ATP1A2: variants seen among roughly 807,000 people sequenced by gnomAD.
The protein encoded by ATP1A2 is sodium/potassium-transporting ATPase subunit alpha-2.
A neutral mutation model predicts 113.1 loss-of-function variants in ATP1A2; 56 were observed. The ratio of observed to expected loss-of-function variants is 0.49; its 90% confidence interval spans 0.40 to 0.62. The LOEUF (loss-of-function observed/expected upper bound fraction) is 0.62, where lower values mean the gene tolerates loss of function less well. ATP1A2 is among the 20% of genes least tolerant of loss of function. The pLI is 0.00. For missense variants in ATP1A2, 712 were observed against 1,357.8 expected (o/e 0.52, Z 7.47); for synonymous variants, 490 against 526.8 (o/e 0.93, Z 0.96).
At chr1:160,123,138 G>T (rs887073402) in intron 3 of ATP1A2, 75 bp from the exon 4 acceptor site, 10 of 1,536,400 alleles carry the variant, frequency 6.5e-6, no homozygotes, top group Admixed American at 1.7e-5. Flanking sequence ...ATGCCCGGGA[G>T]CTGAAGGGAT....
chr1:160,142,951 T>C lies in ATP1A2; in HGVS notation c.*1629T>C, dbSNP rs1046995. 0.22 allele frequency: 33,047 copies of C among 152,198 alleles called. 3,673 individuals are homozygous for C. The highest frequency in any genetic ancestry group is 0.28 in the South Asian group (1,359 of 4,824). The allele number at this position is 152,198 out of a possible 1,614,324, so 9.4% of individuals were successfully genotyped here. A position where few individuals can be genotyped will look rare whatever the true frequency, so the allele number is the denominator to read the frequency against. On this transcript the variant is annotated 3_prime_UTR_variant, in exon 23 of 23. Transcript: ENST00000361216. ...GGTTCCTACAGGAGATAGCTTTCTT[T>C]CCCTTACTCCCTATCTAACACTTTT...
chr1:160,136,551 T>C lies in ATP1A2; in HGVS notation c.2564-19T>C. 1.9e-6 allele frequency: 3 copies of C among 1,614,216 alleles called. No homozygotes were observed. The highest frequency in any genetic ancestry group is 1.6e-4 in the Middle Eastern group (1 of 6,062). On this transcript the variant is annotated intron_variant, in intron 18 of 22. Coordinates refer to ENST00000361216, the MANE Select transcript of ATP1A2 (RefSeq NM_000702.4). ...TTCCTGCTCTGACCCTGCCCCTGCC[T>C]TTGGCCCTCTACCCACAGGGATGAT...
At chr1:160,122,817 A>G (rs1025623407) in intron 3 of ATP1A2, among the ~76,000 whole-genome samples, 1 of 152,146 alleles carries the variant, frequency 6.6e-6, no homozygotes, top group African/African-American at 2.4e-5. Flanking sequence ...GCAAGAATCC[A>G]TCTCTTAAAA....
At chr1:160,136,083 G>A (rs1051014316) in intron 17 of ATP1A2, 90 bp downstream of exon 17, 8 of 1,608,072 alleles carry the variant, frequency 5.0e-6, no homozygotes, top group Middle Eastern at 1.6e-4. Flanking sequence ...AGTGGCCCCA[G>A]CTGTGGGGGT....
chr1:160,125,366 T>C, intron 7 of ATP1A2, 113 bp downstream of exon 7: 11 of 1,010,174 alleles, frequency 1.1e-5, no homozygotes, highest in South Asian at 4.0e-5. Flanking sequence ...GGTGGGGCAA[T>C]TGAGGGGTCA....
chr1:160,128,673 A>T lies in ATP1A2; in HGVS notation c.1039A>T (p.Lys347Ter). Residue 347 changes from lysine to a stop codon, truncating the protein, a stop_gained, in exon 9 of 23, where the codon AAG becomes TAG. Transcript: ENST00000361216. LOFTEE classifies it high-confidence loss of function. ...TVTVCLTLTA[K>*]RMARKNCLVK... Reference sequence around the variant, plus strand: ...CCAGGTGTGCCTGACCCTGACAGCCAAGCGCATGGCACGGAAGAACTGCCT... The same window carrying T: ...CCAGGTGTGCCTGACCCTGACAGCCTAGCGCATGGCACGGAAGAACTGCCT... 1 of 1,614,152 alleles carries T rather than the reference A, an allele frequency of 6.2e-7. No individual in the cohort carries two copies. Among genetic ancestry groups the T allele is most frequent in the Non-Finnish European group, 8.5e-7 (1 of 1,180,028 alleles).
chr1:160,126,171 C>T (rs1651580483), intron 7 of ATP1A2, among the ~76,000 whole-genome samples: 1 of 152,106 alleles, frequency 6.6e-6, no homozygotes, highest in Non-Finnish European at 1.5e-5. Flanking sequence ...CCCTTCGTTA[C>T]CAAAATCTAA....
intron 7 of ATP1A2, 22 bp from the exon 8 acceptor site, chr1:160,127,530 C>G (rs199647607): frequency 3.1e-6 from 5 of 1,614,046 alleles, no homozygotes; most frequent in Admixed American, 3.3e-5. Flanking sequence ...GGCACCCAAC[C>G]TGATGCCCCA....
intron 3 of ATP1A2, among the ~76,000 whole-genome samples, chr1:160,122,269 G>A (rs1651429065): frequency 6.6e-6 from 1 of 151,950 alleles, no homozygotes; most frequent in Non-Finnish European, 1.5e-5. Flanking sequence ...TTTCTATCTG[G>A]CACTAATATG....
intron 1 of ATP1A2, among the ~76,000 whole-genome samples, chr1:160,116,723 C>T (rs945044072): frequency 1.3e-5 from 2 of 152,062 alleles, no homozygotes; most frequent in Non-Finnish European, 1.5e-5. Context: ...TTGTGGAATA[C>T]TGGCAAAAGA....
chr1:160,142,344 C>T lies in ATP1A2; in HGVS notation c.*1022C>T, dbSNP rs1652178955. 1.3e-5 allele frequency: 2 copies of T among 152,184 alleles called. No homozygotes were observed. Among genetic ancestry groups the T allele is most frequent in the African/African-American group, 4.8e-5 (2 of 41,434 alleles). 9.4% of individuals were successfully genotyped at this position (152,184 alleles called of 1,614,324 possible). On this transcript the variant is annotated 3_prime_UTR_variant, in exon 23 of 23. Transcript: ENST00000361216. ...CCATCCCGATGAACCTGCATCATTC[C>T]CCGACACTGCCAAGCCAACCCTGGA...
At chr1:160,132,541 C>T (rs1651805241) in intron 13 of ATP1A2, among the ~76,000 whole-genome samples, 1 of 152,102 alleles carries the variant, frequency 6.6e-6, no homozygotes, top group South Asian at 2.1e-4. Context: ...GTTTTGAGAA[C>T]TTGGTGACCA....
intron 7 of ATP1A2, chr1:160,125,603 T>C: frequency 3.3e-6 from 1 of 300,900 alleles, no homozygotes; most frequent in East Asian, 8.3e-5. Context: ...TAGGAGTCTT[T>C]GGATTTGATT....
intron 7 of ATP1A2, 170 bp downstream of exon 7, chr1:160,125,423 G>A (rs1210192922): frequency 4.6e-6 from 3 of 651,944 alleles, no homozygotes; most frequent in Non-Finnish European, 8.2e-6. Flanking sequence ...GCAGGGTATT[G>A]ACTGAGGGCA....
chr1:160,131,975 G>T (rs147333141), intron 13 of ATP1A2, among the ~76,000 whole-genome samples: 2 of 152,358 alleles, frequency 1.3e-5, no homozygotes, highest in African/African-American at 4.8e-5. Flanking sequence ...GCTTGGCCAG[G>T]TGCCTCTCTC....
chr1:160,123,489 G>A (rs1651486358), intron 4 of ATP1A2, 73 bp downstream of exon 4: 4 of 1,588,230 alleles, frequency 2.5e-6, no homozygotes, highest in South Asian at 2.2e-5. Flanking sequence ...ACAGTGGGGG[G>A]TGGGCAGGGA....
rs761394331 is a variant in ATP1A2, at chr1:160,135,625, G to A, written c.2284+23G>A. The A allele has an allele frequency of 2.5e-6, 4 of 1,612,936 alleles. No individual in the cohort carries two copies. In the African/African-American group the frequency reaches 4.0e-5, roughly 16 times the overall value. On this transcript the variant is annotated intron_variant, in intron 16 of 22. Transcript: ENST00000361216. This position sits in a 1 kb window ranked among gnomAD's most constrained non-coding sequence, Gnocchi z 6.3. ...AGGGTGAGGAGGCTGCATGGGTTGG[G>A]ATGGTTTGCAGGATACTGAAGCCGG...
intron 21 of ATP1A2, 24 bp downstream of exon 21, chr1:160,139,765 T>G: frequency 6.2e-7 from 1 of 1,613,772 alleles, no homozygotes; most frequent in Non-Finnish European, 8.5e-7. Context: ...TCGGGCGGCC[T>G]GAGTAGTCAT....
Position 160,134,543 on chromosome 1 carries a change from C to T in ATP1A2, c.1887C>T (p.Gly629=). 6.2e-7 allele frequency: 1 copy of T among 1,614,204 alleles called. No homozygotes were observed. Residue 629 remains glycine (G), a synonymous_variant, in exon 14 of 23, where the codon GGC becomes GGT. Transcript: ENST00000361216. Reference sequence around the variant, plus strand: ...CCAAGGCCATTGCCAAAGGCGTGGGCATCATATCAGAGGGTAACGAGACTG... The same window carrying T: ...CCAAGGCCATTGCCAAAGGCGTGGGTATCATATCAGAGGGTAACGAGACTG... ...ITAKAIAKGV[G]IISEGNETVE...
Sources: gnomAD v4.1 joint callset for allele counts (sites outside exome capture counted in the v4.1 genomes callset) on GRCh38, gnomAD v4.1.1 for gene constraint, Gnocchi (gnomAD v3.1) non-coding constraint, MANE v1.5 for transcripts, NCBI Gene and HGNC (gene_info 2026-07-23, HGNC 2026-07-21) for gene names.